CSMD1: variants seen among roughly 807,000 people sequenced by gnomAD.
CSMD1 encodes the protein CUB and Sushi multiple domains 1.
In CSMD1, 213 loss-of-function variants were observed where a neutral mutation model predicts 417.5. The ratio of observed to expected loss-of-function variants is 0.51; its 90% CI spans 0.46 to 0.57. The LOEUF (loss-of-function observed/expected upper bound fraction) is 0.57, where lower values mean the gene tolerates loss of function less well. CSMD1 is among the 20% of genes least tolerant of loss of function. The probability of loss-of-function intolerance (pLI) is 0.00; values close to 1 mark genes in which losing one functional copy is unlikely to be tolerated. For missense variants in CSMD1, 6,923 were observed against 4,529.7 expected, an observed-to-expected ratio of 1.53 and a Z score of -15.17; for synonymous variants, 2,862 against 1,736.8, an observed-to-expected ratio of 1.65 and a Z score of -16.11.
chr8:4,244,237 G>C (rs1225427968), intron 3 of CSMD1, among the ~76,000 whole-genome samples: 2 of 152,140 alleles, frequency 1.3e-5, no homozygotes, highest in Non-Finnish European at 2.9e-5. Flanking sequence ...AGCTAGGCTT[G>C]AAACGTTCCA....
intron 4 of CSMD1, among the ~76,000 whole-genome samples, chr8:4,015,826 G>T (rs190829120): frequency 6.6e-6 from 1 of 152,072 alleles, no homozygotes; most frequent in Admixed American, 6.6e-5. Context: ...CTAAGCAAGC[G>T]GCGTAACTTC....
chr8:4,148,829 C>T (rs75399342), intron 3 of CSMD1, among the ~76,000 whole-genome samples: 2 of 152,204 alleles, frequency 1.3e-5, no homozygotes, highest in Admixed American at 1.3e-4. Context: ...GTCCCTCATG[C>T]TGCCTTTGGC....
chr8:4,789,989 C>A (rs796526141), intron 1 of CSMD1, among the ~76,000 whole-genome samples: 3 of 152,274 alleles, frequency 2.0e-5, no homozygotes, highest in African/African-American at 7.2e-5. Flanking sequence ...CCTTCATGTG[C>A]AACTCAATGG....
chr8:3,919,248 T>C (rs1563210955), intron 5 of CSMD1, among the ~76,000 whole-genome samples: 1 of 149,652 alleles, frequency 6.7e-6, no homozygotes. Flanking sequence ...CAAGGATTTT[T>C]AAAAAATGTT....
chr8:4,023,758 T>A (rs935982988), intron 4 of CSMD1, among the ~76,000 whole-genome samples: 1 of 62,106 alleles, frequency 1.6e-5, no homozygotes, highest in African/African-American at 8.4e-5. Context: ...GGCTAATTTT[T>A]TTTTTTTTTT....
chr8:3,411,967 C>CAT (rs1554543396), intron 12 of CSMD1, among the ~76,000 whole-genome samples: 1 of 2,506 alleles, frequency 4.0e-4, no homozygotes, highest in Non-Finnish European at 8.3e-4. Flanking sequence ...CGTATATATG[C>CAT]ACGTATATAT....
chr8:4,258,964 A>G (rs1803679347), intron 3 of CSMD1, among the ~76,000 whole-genome samples: 1 of 152,192 alleles, frequency 6.6e-6, no homozygotes, highest in East Asian at 1.9e-4. Context: ...ACTAAGGTGT[A>G]TAAATGTCTA....
chr8:4,082,155 A>G (rs1300353017), intron 3 of CSMD1, among the ~76,000 whole-genome samples: 2 of 152,152 alleles, frequency 1.3e-5, no homozygotes, highest in Non-Finnish European at 2.9e-5. Context: ...ATCTCTATAG[A>G]TCCTAAGGAC....
intron 3 of CSMD1, among the ~76,000 whole-genome samples, chr8:4,041,068 G>A (rs1312528660): frequency 7.2e-6 from 1 of 139,792 alleles, no homozygotes; most frequent in Non-Finnish European, 1.5e-5. Context: ...CCAGGCTGGA[G>A]TGCAGTGGCG....
intron 54 of CSMD1, among the ~76,000 whole-genome samples, chr8:2,991,228 G>A (rs895523801): frequency 1.6e-4 from 24 of 152,084 alleles, no homozygotes; most frequent in African/African-American, 5.1e-4. Context: ...ACTTAAAATC[G>A]CAATGCTAAA....
chr8:3,622,314 T>A (rs1456645655), intron 7 of CSMD1, among the ~76,000 whole-genome samples: 1 of 152,230 alleles, frequency 6.6e-6, no homozygotes, highest in Non-Finnish European at 1.5e-5. Context: ...TTCATCAAGA[T>A]GAACGACTAT....
chr8:4,731,257 C>A (rs144121822), intron 1 of CSMD1, among the ~76,000 whole-genome samples: 2 of 152,280 alleles, frequency 1.3e-5, no homozygotes, highest in Non-Finnish European at 2.9e-5. Flanking sequence ...CCACCTCAAC[C>A]TGCTTTTGTC....
intron 3 of CSMD1, among the ~76,000 whole-genome samples, chr8:4,388,454 T>C (rs959809092): frequency 1.2e-4 from 18 of 150,750 alleles, no homozygotes; most frequent in African/African-American, 4.4e-4. Flanking sequence ...AACTCAGGAA[T>C]GAAAAACAAA....
At chr8:3,148,050 T>G (rs868359836) in intron 40 of CSMD1, among the ~76,000 whole-genome samples, 3 of 152,116 alleles carry the variant, frequency 2.0e-5, no homozygotes, top group Non-Finnish European at 4.4e-5. Flanking sequence ...ACCTTCTCAA[T>G]CTCCCTGCTT....
At chr8:4,811,413 GAATCATATAA>G (rs1247180691) in intron 1 of CSMD1, among the ~76,000 whole-genome samples, 2 of 151,886 alleles carry the variant, frequency 1.3e-5, no homozygotes, top group African/African-American at 2.4e-5. Flanking sequence ...GTATTATGTT[GAATCATATAA>G]AATTGTTGCT....
At chr8:3,443,199 A>G (rs901423833) in intron 12 of CSMD1, among the ~76,000 whole-genome samples, 2 of 152,204 alleles carry the variant, frequency 1.3e-5, no homozygotes, top group African/African-American at 2.4e-5. Flanking sequence ...ATACACGCAC[A>G]AGGCTATTCA....
intron 2 of CSMD1, among the ~76,000 whole-genome samples, chr8:4,514,098 G>A (rs1468081901): frequency 6.6e-6 from 1 of 151,998 alleles, no homozygotes; most frequent in East Asian, 1.9e-4. Context: ...ATTTTTTACA[G>A]TTCTAGAGGC....
chr8:3,596,826 G>C lies in CSMD1; in HGVS notation c.1098-10566C>G, dbSNP rs79391970. ...CATACATGCATACCAGTAATCACAT[G>C]AGATCCAAAAGCATGTTTACAAGAC... On this transcript the variant is annotated intron_variant, in intron 8 of 69. Coordinates refer to ENST00000635120, the MANE Select transcript of CSMD1 (RefSeq NM_033225.6). Among the ~76,000 whole-genome samples the C allele has an allele frequency of 2.2e-3, 341 of 152,150 alleles. 1 individual carries two copies. The highest frequency in any genetic ancestry group is 7.8e-3 in the African/African-American group (325 of 41,502).
intron 10 of CSMD1, among the ~76,000 whole-genome samples, chr8:3,505,669 A>G (rs947981419): frequency 2.6e-5 from 4 of 152,212 alleles, no homozygotes; most frequent in African/African-American, 2.4e-5. Context: ...TTTTGGTAGC[A>G]TAACAAAACC....
Sources: allele counts gnomAD v4.1 joint callset (sites outside exome capture counted in the v4.1 genomes callset), GRCh38; gene constraint gnomAD v4.1.1; transcripts MANE v1.5; gene names NCBI Gene and HGNC (gene_info 2026-07-23, HGNC 2026-07-21).